Variants in GABRG2 observed in about 807,000 individuals in gnomAD.
GABRG2 encodes gamma-aminobutyric acid type A receptor subunit gamma2.
Under a neutral mutation model 56.4 loss-of-function variants are expected in GABRG2, and 16 were observed. That is an observed-to-expected ratio of 0.28 (90% CI 0.19 to 0.43). The LOEUF (loss-of-function observed/expected upper bound fraction) is 0.43, where lower values mean the gene tolerates loss of function less well. GABRG2 is among the 20% of genes least tolerant of loss of function. The probability of loss-of-function intolerance (pLI) is 1.00; values close to 1 mark genes in which losing one functional copy is unlikely to be tolerated. For synonymous variants in GABRG2, 208 were observed against 205.5 expected (o/e 1.01, Z -0.10); for missense variants, 327 against 582.7 (o/e 0.56, Z 4.52).
chr5:162,075,742 T>C (rs1320950495), intron 1 of GABRG2, among the ~76,000 whole-genome samples: 3 of 152,042 alleles, frequency 2.0e-5, no homozygotes, highest in African/African-American at 7.2e-5. Context: ...TCAGCATATA[T>C]GGCTGTCAGG....
intron 7 of GABRG2, among the ~76,000 whole-genome samples, chr5:162,147,668 C>T (rs1306525030): frequency 1.3e-5 from 2 of 152,082 alleles, no homozygotes; most frequent in Non-Finnish European, 2.9e-5. Flanking sequence ...CTGGCCCGAC[C>T]TGTTTCGAAG....
chr5:162,085,307 A>T (rs1269555414), intron 1 of GABRG2, among the ~76,000 whole-genome samples: 2 of 152,038 alleles, frequency 1.3e-5, no homozygotes, highest in African/African-American at 2.4e-5. Context: ...AGGTATACAC[A>T]AATGAGAAAG....
chr5:162,068,448 G>T (rs1378896121), intron 1 of GABRG2, among the ~76,000 whole-genome samples: 2 of 151,590 alleles, frequency 1.3e-5, no homozygotes, highest in East Asian at 1.9e-4. Context: ...ATTTGAGGCC[G>T]TGTTGCAAGC....
chr5:162,127,831 G>C (rs1458858119), intron 6 of GABRG2, among the ~76,000 whole-genome samples: 3 of 152,002 alleles, frequency 2.0e-5, no homozygotes, highest in Admixed American at 2.0e-4. Flanking sequence ...ACGATCGAAG[G>C]ATTTCAGTAA....
intron 1 of GABRG2, among the ~76,000 whole-genome samples, chr5:162,087,868 CTAAG>C (rs1339219884): frequency 1.3e-5 from 2 of 152,014 alleles, no homozygotes; most frequent in Non-Finnish European, 2.9e-5. Flanking sequence ...ATATTGCAAA[CTAAG>C]TGTCTGTTAA....
In GABRG2 at chr5:162,149,239, G is replaced by T; in HGVS notation, c.1054G>T (p.Glu352Ter). The T allele has an allele frequency of 6.2e-7, 1 of 1,614,106 alleles. No homozygotes were observed. The highest frequency in any genetic ancestry group is 1.1e-5 in the South Asian group (1 of 91,074). ...CFIFVFSALV[E>*]YGTLHYFVSN... is the part of the protein sequence containing the mutation. ...CATCTTTGTCTTCTCTGCTCTGGTG[G>T]AGTATGGCACCTTGCATTATTTTGT... The change falls in exon 8 of 10, where the codon GAG becomes TAG. Residue 352 changes from glutamate to a stop codon, truncating the protein, a stop_gained. Transcript: ENST00000639213. LOFTEE classifies it high-confidence loss of function.
intron 8 of GABRG2, chr5:162,150,056 G>C (rs915286350): frequency 2.6e-5 from 4 of 156,334 alleles, no homozygotes; most frequent in Admixed American, 1.2e-4. Context: ...GTGGAATGTG[G>C]GTATTGTCAC....
chr5:162,108,681 C>G (rs1762008915), intron 6 of GABRG2, among the ~76,000 whole-genome samples: 1 of 152,090 alleles, frequency 6.6e-6, no homozygotes, highest in Non-Finnish European at 1.5e-5. Context: ...TATCCGAGCC[C>G]AATATCACCA....
At chr5:162,094,377 G>A (rs1760842317) in intron 2 of GABRG2, 2 of 277,376 alleles carry the variant, frequency 7.2e-6, no homozygotes. Flanking sequence ...AATGACATAT[G>A]ACAGTAAACA....
intron 4 of GABRG2, among the ~76,000 whole-genome samples, chr5:162,100,617 T>A (rs1451985999): frequency 6.6e-6 from 1 of 152,206 alleles, no homozygotes; most frequent in Non-Finnish European, 1.5e-5. Flanking sequence ...AATATGTCTG[T>A]GTATGTGCTT....
chr5:162,143,158 G>A (rs1050440487), intron 7 of GABRG2, among the ~76,000 whole-genome samples: 4 of 152,168 alleles, frequency 2.6e-5, no homozygotes, highest in African/African-American at 9.7e-5. Flanking sequence ...ATCACCCAAG[G>A]AGGAAATATT....
intron 6 of GABRG2, among the ~76,000 whole-genome samples, chr5:162,109,156 A>G (rs1282842933): frequency 6.6e-6 from 1 of 151,500 alleles, no homozygotes; most frequent in Non-Finnish European, 1.5e-5. Context: ...AAAATCAAAC[A>G]CCGCATGTTC....
chr5:162,088,365 T>C (rs1760295495), intron 1 of GABRG2, among the ~76,000 whole-genome samples: 1 of 152,158 alleles, frequency 6.6e-6, no homozygotes, highest in Non-Finnish European at 1.5e-5. Context: ...TCCTTTAAAT[T>C]GAACTAGCTT....
At position 162,154,265 on chromosome 5, in the gene GABRG2, G is replaced by A. The variant is rs1288140460; in HGVS notation, c.*897G>A. 6.6e-6 allele frequency: 1 copy of A among 152,042 alleles called. No homozygotes were observed. Among genetic ancestry groups the A allele is most frequent in the African/African-American group, 2.4e-5 (1 of 41,390 alleles). The allele number at this position is 152,042 out of a possible 1,614,324, so 9.4% of individuals were successfully genotyped here. A position where few individuals can be genotyped will look rare whatever the true frequency, so the allele number is the denominator to read the frequency against. ...TGCCGCTATTTTTTTCTTCCTTTTA[G>A]GATGATAGATCATAACAGAACTTAT... On this transcript the variant is annotated 3_prime_UTR_variant, in exon 10 of 10. Transcript: ENST00000639213.
rs759221112 is a variant in GABRG2 at position 162,101,295 on chromosome 5, C to T, written c.609C>T (p.Ser203=). The change falls in exon 5 of 10, where the codon TCC becomes TCT. Residue 203 remains serine, a synonymous_variant. Transcript: ENST00000639213. Reference sequence around the variant, plus strand: ...ACAACTTTCCAATGGATGAACACTCCTGCCCCTTGGAGTTCTCCAGTTGTA... The same window carrying T: ...ACAACTTTCCAATGGATGAACACTCTTGCCCCTTGGAGTTCTCCAGTTGTA... ...QLHNFPMDEH[S]CPLEFSSYGY... 1 of 1,610,578 alleles carries T rather than the reference C, an allele frequency of 6.2e-7. No homozygotes were observed. The highest frequency in any genetic ancestry group is 1.1e-5 in the South Asian group (1 of 91,010).
intron 3 of GABRG2, among the ~76,000 whole-genome samples, chr5:162,096,090 T>C (rs1741761062): frequency 6.6e-6 from 1 of 151,970 alleles, no homozygotes; most frequent in South Asian, 2.1e-4. Context: ...TATAGTATTC[T>C]ATATTATACA....
At chr5:162,086,840 A>G (rs1486104308) in intron 1 of GABRG2, among the ~76,000 whole-genome samples, 1 of 152,030 alleles carries the variant, frequency 6.6e-6, no homozygotes, top group Non-Finnish European at 1.5e-5. Flanking sequence ...TTATTTATCA[A>G]TTTTACTGTT....
chr5:162,155,016 T>C lies in GABRG2; in HGVS notation c.*1648T>C, dbSNP rs996809261. The stretch of plus-strand genomic sequence containing the variant: ...CCTTTGTTAATTATTTTTATGGAAA[T>C]TATTACTCTGTCATAATTAAATCAT... On this transcript the variant is annotated 3_prime_UTR_variant, in exon 10 of 10. Coordinates refer to ENST00000639213, the MANE Select transcript of GABRG2 (RefSeq NM_198904.4). 1 of 152,252 alleles carries C rather than the reference T, an allele frequency of 6.6e-6. No homozygotes were observed. The highest frequency in any genetic ancestry group is 2.4e-5 in the African/African-American group (1 of 41,428). 9.4% of individuals were successfully genotyped at this position (152,252 alleles called of 1,614,324 possible). A position where few individuals can be genotyped will look rare whatever the true frequency, so the allele number is the denominator to read the frequency against.
rs535664831 is a variant in GABRG2, at chr5:162,102,148, C to A, written c.631+831C>A. ...ACGTTGATGATCAGAGAAGTAATCA[C>A]CTGTTTATCACTTCATCAATACCAG... On this transcript the variant is annotated intron_variant, in intron 5 of 9. Coordinates refer to ENST00000639213, the MANE Select transcript of GABRG2 (RefSeq NM_198904.4). 5 of 171,084 alleles carry A rather than the reference C, an allele frequency of 2.9e-5. No individual in the cohort carries two copies. The East Asian group carries it at 7.7e-4, about 26-fold the overall frequency. 10.6% of individuals were successfully genotyped at this position (171,084 alleles called of 1,614,324 possible).
Sources: gnomAD v4.1 joint callset for allele counts (sites outside exome capture counted in the v4.1 genomes callset) on GRCh38, gnomAD v4.1.1 for gene constraint, MANE v1.5 for transcripts, NCBI Gene and HGNC (gene_info 2026-07-23, HGNC 2026-07-21) for gene names.